NALF1: variants seen among roughly 807,000 people sequenced by gnomAD.
NALF1 encodes family with sequence similarity 155 member A.
In NALF1, 3 loss-of-function variants were observed where a neutral mutation model predicts 48.4. The ratio of observed to expected loss-of-function variants is 0.06; its 90% CI spans 0.03 to 0.16. The LOEUF (loss-of-function observed/expected upper bound fraction) is 0.16. NALF1 is among the 10% of genes least tolerant of loss of function. The pLI, the probability that NALF1 is intolerant of heterozygous loss-of-function variation, is 1.00. For missense variants in NALF1, 526 were observed against 571.5 expected, an observed-to-expected ratio of 0.92 and a Z score of 0.81; for synonymous variants, 262 against 245.7, an observed-to-expected ratio of 1.07 and a Z score of -0.62.
chr13:107,408,390 C>G (rs1318061144), intron 1 of NALF1, among the ~76,000 whole-genome samples: 1 of 151,886 alleles, frequency 6.6e-6, no homozygotes, highest in Non-Finnish European at 1.5e-5. Context: ...CTCATGTAAC[C>G]CATAAATATA....
Position 107,648,362 on chromosome 13 carries a change from C to T in NALF1, c.915+217320G>A, listed in dbSNP as rs545824876. ...AATCCCTCTTCTCCCTCCAAATCCACGATAACCACTGATTTGTTTACTCTC... is the reference window on the plus strand; with the variant it reads ...AATCCCTCTTCTCCCTCCAAATCCATGATAACCACTGATTTGTTTACTCTC... On this transcript the variant is annotated intron_variant, in intron 1 of 2. Transcript: ENST00000375915. Among the ~76,000 whole-genome samples the T allele has an allele frequency of 9.9e-5, 15 of 152,258 alleles. 1 individual carries two copies. In the South Asian group the frequency reaches 2.7e-3, roughly 27 times the overall value.
chr13:107,796,248 G>A (rs888902516), intron 1 of NALF1, among the ~76,000 whole-genome samples: 83 of 152,116 alleles, frequency 5.5e-4, no homozygotes, highest in African/African-American at 1.8e-3. Context: ...TCTTGAGCCC[G>A]GTAATAAATT....
At chr13:107,238,880 T>A (rs75141263) in intron 1 of NALF1, among the ~76,000 whole-genome samples, 2,838 of 152,216 alleles carry the variant, frequency 0.019, 85 homozygotes, top group African/African-American at 0.065. Context: ...ACAGGATTTT[T>A]AAAAAGGGGG....
chr13:107,741,270 T>G (rs1397229703), intron 1 of NALF1, among the ~76,000 whole-genome samples: 1 of 152,196 alleles, frequency 6.6e-6, no homozygotes, highest in Non-Finnish European at 1.5e-5. Flanking sequence ...TTTCCCCAAA[T>G]AGCAATGTAG....
At chr13:107,350,620 G>T (rs1882856048) in intron 1 of NALF1, among the ~76,000 whole-genome samples, 1 of 152,198 alleles carries the variant, frequency 6.6e-6, no homozygotes, top group African/African-American at 2.4e-5. Flanking sequence ...TATATTAGAT[G>T]ATTTGCCTTA....
intron 1 of NALF1, among the ~76,000 whole-genome samples, chr13:107,767,562 T>C (rs547868632): frequency 2.7e-4 from 41 of 152,336 alleles, no homozygotes; most frequent in African/African-American, 9.6e-4. Context: ...AGAAGAATCT[T>C]AGAACTGCAA....
intron 1 of NALF1, among the ~76,000 whole-genome samples, chr13:107,803,389 C>T (rs76926067): frequency 0.05 from 7,630 of 152,114 alleles, 583 homozygotes; most frequent in East Asian, 0.39. Context: ...AGCCAACTGG[C>T]ATCTTGCTCA....
intron 2 of NALF1, among the ~76,000 whole-genome samples, chr13:107,185,560 T>A (rs1343563454): frequency 2.0e-5 from 3 of 152,080 alleles, no homozygotes; most frequent in Non-Finnish European, 4.4e-5. Context: ...TGATGGGGTC[T>A]TATTTGTACC....
Position 107,514,379 on chromosome 13 carries a change from G to A in NALF1, c.916-303624C>T, listed in dbSNP as rs73594787. Among the ~76,000 whole-genome samples the A allele has an allele frequency of 1.5e-3, 228 of 152,238 alleles. 2 individuals are homozygous for A. Among genetic ancestry groups the A allele is most frequent in the African/African-American group, 5.3e-3 (219 of 41,536 alleles). ...GACACATGTCAATGAACAAATGGGT[G>A]TTTGGGTGGTTATTGGGCCTATGAT... is the stretch of plus-strand genomic sequence containing the variant. On this transcript the variant is annotated intron_variant, in intron 1 of 2. Coordinates refer to ENST00000375915, the MANE Select transcript of NALF1 (RefSeq NM_001080396.3).
rs919696516 is a variant in NALF1 at position 107,429,275 on chromosome 13, T to C, written c.916-218520A>G. 3.9e-5 allele frequency among the ~76,000 whole-genome samples: 6 copies of C among 151,906 alleles called. No homozygotes were observed. In the South Asian group the frequency reaches 6.2e-4, roughly 16 times the overall value. ...ACATGGAGGTTGCAGTGAGCCATGA[T>C]TGTGCCACTGCACTCCAGCCTGGGC... On this transcript the variant is annotated intron_variant, in intron 1 of 2. Coordinates refer to ENST00000375915, the MANE Select transcript of NALF1 (RefSeq NM_001080396.3).
chr13:107,739,563 T>C (rs538195065), intron 1 of NALF1, among the ~76,000 whole-genome samples: 4 of 151,876 alleles, frequency 2.6e-5, no homozygotes, highest in African/African-American at 9.7e-5. Context: ...TAGTAACAAA[T>C]ACATACACAA....
At chr13:107,194,274 T>C (rs1454321819) in intron 2 of NALF1, among the ~76,000 whole-genome samples, 1 of 152,132 alleles carries the variant, frequency 6.6e-6, no homozygotes, top group Non-Finnish European at 1.5e-5. Flanking sequence ...GATTGTCTTA[T>C]ACATAAAAAG....
At chr13:107,688,486 T>C (rs1209439292) in intron 1 of NALF1, among the ~76,000 whole-genome samples, 2 of 152,206 alleles carry the variant, frequency 1.3e-5, no homozygotes, top group Non-Finnish European at 2.9e-5. Context: ...TAGAAAAATA[T>C]ATAACTATGT....
At chr13:107,314,698 A>G (rs1469219091) in intron 1 of NALF1, among the ~76,000 whole-genome samples, 2 of 152,140 alleles carry the variant, frequency 1.3e-5, no homozygotes, top group African/African-American at 4.8e-5. Context: ...CTCATCCCAC[A>G]GGGTTTCATT....
At chr13:107,348,607 C>T (rs555502223) in intron 1 of NALF1, among the ~76,000 whole-genome samples, 1 of 151,900 alleles carries the variant, frequency 6.6e-6, no homozygotes, top group Non-Finnish European at 1.5e-5. Flanking sequence ...TCCCACCCCC[C>T]GGCAGGCCCC....
chr13:107,537,038 C>G (rs755177307), intron 1 of NALF1, among the ~76,000 whole-genome samples: 3 of 152,102 alleles, frequency 2.0e-5, no homozygotes, highest in Non-Finnish European at 2.9e-5. Context: ...AATGAGAACA[C>G]TTGGACACAG....
chr13:107,366,849 G>A (rs1398666145), intron 1 of NALF1, among the ~76,000 whole-genome samples: 2 of 152,278 alleles, frequency 1.3e-5, no homozygotes, highest in African/African-American at 4.8e-5. Flanking sequence ...TCACGTTCAT[G>A]CTCACAAAGG....
intron 1 of NALF1, among the ~76,000 whole-genome samples, chr13:107,305,741 C>T (rs1881924138): frequency 6.6e-6 from 1 of 152,112 alleles, no homozygotes; most frequent in Non-Finnish European, 1.5e-5. Context: ...CAAAAGAAGT[C>T]AGACACAAAC....
At chr13:107,633,872 G>GTA in intron 1 of NALF1, among the ~76,000 whole-genome samples, 1 of 143,848 alleles carries the variant, frequency 7.0e-6, no homozygotes, top group Admixed American at 7.3e-5. Context: ...GTGTGTGTAT[G>GTA]TGTGTGTGTA....
Sources: gnomAD v4.1 joint callset for allele counts (sites outside exome capture counted in the v4.1 genomes callset) on GRCh38, gnomAD v4.1.1 for gene constraint, MANE v1.5 for transcripts, NCBI Gene and HGNC (gene_info 2026-07-23, HGNC 2026-07-21) for gene names.